The following NALF1 variants were observed in gnomAD, a reference collection of about 807,000 sequenced individuals.
The protein encoded by NALF1 is NALCN channel auxiliary factor 1.
A neutral mutation model predicts 48.4 loss-of-function variants in NALF1; 3 were observed. The ratio of observed to expected loss-of-function variants is 0.06; its 90% CI spans 0.03 to 0.16. NALF1 has a LOEUF of 0.16. Among genes scored for constraint, NALF1 ranks in the 10% least tolerant of loss-of-function variants. NALF1 has a pLI of 1.00. For missense variants in NALF1, 526 were observed against 571.5 expected, an observed-to-expected ratio of 0.92 and a Z score of 0.81; for synonymous variants, 262 against 245.7, an observed-to-expected ratio of 1.07 and a Z score of -0.62.
In NALF1 at chr13:107,522,770, ATTTTTCTTT is replaced by A. The variant is rs1449952094; in HGVS notation, c.916-312024_916-312016del. On this transcript the variant is annotated intron_variant, in intron 1 of 2. Transcript: ENST00000375915. ...AGGTATGTGACACCATGCTCGACTA[ATTTTTCTTT>A]TTTTTCTTTTTTGTATTTTTAGTAG... Among the ~76,000 whole-genome samples, 12 of 151,124 alleles carry A rather than the reference ATTTTTCTTT, an allele frequency of 7.9e-5. No individual in the cohort carries two copies. The East Asian group carries it at 1.9e-3, about 25-fold the overall frequency.
chr13:107,599,767 A>G (rs1315351956), intron 1 of NALF1, among the ~76,000 whole-genome samples: 4 of 152,190 alleles, frequency 2.6e-5, no homozygotes, highest in Non-Finnish European at 5.9e-5. Context: ...ATTAATTATC[A>G]TAAATACAAT....
At chr13:107,838,195 C>T (rs1879952256) in intron 1 of NALF1, among the ~76,000 whole-genome samples, 1 of 151,882 alleles carries the variant, frequency 6.6e-6, no homozygotes, top group Non-Finnish European at 1.5e-5. Context: ...TAGCCAGAAA[C>T]AAACAAACAA....
chr13:107,347,253 G>A (rs971147756), intron 1 of NALF1, among the ~76,000 whole-genome samples: 1 of 152,140 alleles, frequency 6.6e-6, no homozygotes, highest in Admixed American at 6.5e-5. Context: ...CTGCCTTGGG[G>A]TCACATCATC....
chr13:107,463,205 T>C (rs1884948204), intron 1 of NALF1, among the ~76,000 whole-genome samples: 1 of 152,220 alleles, frequency 6.6e-6, no homozygotes, highest in Non-Finnish European at 1.5e-5. Flanking sequence ...TTTTTTGACA[T>C]AGGAATTATT....
At chr13:107,679,219 C>T (rs1265473869) in intron 1 of NALF1, among the ~76,000 whole-genome samples, 3 of 152,066 alleles carry the variant, frequency 2.0e-5, no homozygotes, top group Non-Finnish European at 1.5e-5. Flanking sequence ...TAAATCTTCA[C>T]ATCAAAAAAA....
chr13:107,752,032 CATT>C (rs1443538524), intron 1 of NALF1, among the ~76,000 whole-genome samples: 2 of 151,580 alleles, frequency 1.3e-5, no homozygotes, highest in Non-Finnish European at 2.9e-5. Flanking sequence ...TTTAGAAAAA[CATT>C]AATATATGGG....
At chr13:107,390,329 A>G (rs1566322038) in intron 1 of NALF1, among the ~76,000 whole-genome samples, 1 of 151,710 alleles carries the variant, frequency 6.6e-6, no homozygotes. Flanking sequence ...TGGGTGACAG[A>G]GTGAGACTCT....
chr13:107,363,689 G>C (rs1186445289), intron 1 of NALF1, among the ~76,000 whole-genome samples: 1 of 152,168 alleles, frequency 6.6e-6, no homozygotes, highest in Non-Finnish European at 1.5e-5. Flanking sequence ...ATGTTTAAGA[G>C]CCATAGTAAA....
chr13:107,214,341 G>C (rs895445887), intron 1 of NALF1, among the ~76,000 whole-genome samples: 50 of 152,160 alleles, frequency 3.3e-4, no homozygotes, highest in African/African-American at 1.1e-3. Flanking sequence ...TATTTCATAA[G>C]AACTATGGAG....
intron 1 of NALF1, among the ~76,000 whole-genome samples, chr13:107,361,504 T>G (rs1265731997): frequency 6.6e-6 from 1 of 151,624 alleles, no homozygotes; most frequent in Non-Finnish European, 1.5e-5. Flanking sequence ...TTAGAAAGAA[T>G]CCAGATTTAT....
chr13:107,775,324 C>T (rs1463706887), intron 1 of NALF1, among the ~76,000 whole-genome samples: 8 of 147,884 alleles, frequency 5.4e-5, no homozygotes, highest in Non-Finnish European at 1.0e-4. Flanking sequence ...TTTGTTCTTG[C>T]GATAGTTTAC....
In NALF1 at chr13:107,339,405, T is replaced by C. The variant is rs561421903; in HGVS notation, c.916-128650A>G. On this transcript the variant is annotated intron_variant, in intron 1 of 2. Transcript: ENST00000375915. ...TGATTTAATGCACGTGTGAGTCATCTAGTAGGTTTGTGAAAATATAGCTCC... is the reference window on the plus strand; with the variant it reads ...TGATTTAATGCACGTGTGAGTCATCCAGTAGGTTTGTGAAAATATAGCTCC... Among the ~76,000 whole-genome samples the C allele has an allele frequency of 7.9e-5, 12 of 152,186 alleles. No individual in the cohort carries two copies. The South Asian group carries it at 1.7e-3, about 21-fold the overall frequency.
At chr13:107,307,576 C>G (rs1212571614) in intron 1 of NALF1, among the ~76,000 whole-genome samples, 1 of 148,678 alleles carries the variant, frequency 6.7e-6, no homozygotes, top group Non-Finnish European at 1.5e-5. Context: ...CTCCGCCTCC[C>G]GAGTTCAGGC....
chr13:107,503,753 T>TGTGTGTGTGTGTGTGTGTG (rs1329568918), intron 1 of NALF1, among the ~76,000 whole-genome samples: 1 of 70,898 alleles, frequency 1.4e-5, no homozygotes, highest in Non-Finnish European at 2.6e-5. Context: ...GTGTGTGTGT[T>TGTGTGTGTGTGTGTGTGTG]TGTGTGTGTG....
chr13:107,349,639 G>T (rs1334682535), intron 1 of NALF1, among the ~76,000 whole-genome samples: 2 of 151,656 alleles, frequency 1.3e-5, no homozygotes, highest in African/African-American at 4.9e-5. Flanking sequence ...TACTTGGAAA[G>T]CTGAGGCAGA....
chr13:107,177,853 C>T (rs1878969784), intron 2 of NALF1, among the ~76,000 whole-genome samples: 1 of 152,150 alleles, frequency 6.6e-6, no homozygotes, highest in Non-Finnish European at 1.5e-5. Flanking sequence ...AGTGTGAGAC[C>T]ACCCTGGCCA....
chr13:107,248,146 A>C (rs981918393), intron 1 of NALF1, among the ~76,000 whole-genome samples: 33 of 152,244 alleles, frequency 2.2e-4, no homozygotes, highest in African/African-American at 6.7e-4. Context: ...TTATTTAGAA[A>C]GGCAAAGAAA....
At chr13:107,861,989 T>C (rs1340396143) in intron 1 of NALF1, among the ~76,000 whole-genome samples, 1 of 152,180 alleles carries the variant, frequency 6.6e-6, no homozygotes, top group Non-Finnish European at 1.5e-5. Context: ...TATATAAAAA[T>C]AAGCAATATA....
intron 1 of NALF1, among the ~76,000 whole-genome samples, chr13:107,473,127 C>T (rs1420104318): frequency 6.6e-6 from 1 of 152,180 alleles, no homozygotes; most frequent in Admixed American, 6.5e-5. Flanking sequence ...TTACTTTCAC[C>T]TTACATAGAT....
Sources: allele counts gnomAD v4.1 joint callset (sites outside exome capture counted in the v4.1 genomes callset), GRCh38; gene constraint gnomAD v4.1.1; transcripts MANE v1.5; gene names NCBI Gene and HGNC (gene_info 2026-07-23, HGNC 2026-07-21).